The following PHF14 variants were observed in gnomAD, a reference collection of about 807,000 sequenced individuals.
PHF14 encodes the protein PHD finger protein 14.
In PHF14, 55 loss-of-function variants were observed where a neutral mutation model predicts 117.9. The observed-to-expected ratio is 0.47, with a 90% CI of 0.38 to 0.58. The LOEUF is 0.58. PHF14 is among the 20% of genes least tolerant of loss of function. PHF14 has a pLI of 0.00. For missense variants in PHF14, 978 were observed against 1,122.2 expected (o/e 0.87, Z 1.84); for synonymous variants, 409 against 368.6 (o/e 1.11, Z -1.26).
intron 4 of PHF14, among the ~76,000 whole-genome samples, chr7:10,992,364 A>G (rs969539806): frequency 4.7e-5 from 7 of 148,560 alleles, no homozygotes; most frequent in Non-Finnish European, 1.0e-4. Context: ...GACAGTATGT[A>G]TTTGTTAAGA....
intron 16 of PHF14, chr7:11,104,778 T>G (rs2128342120): frequency 1.6e-6 from 1 of 638,846 alleles, no homozygotes; most frequent in African/African-American, 2.0e-5. Context: ...CCCTGGAGTT[T>G]CTGATTTAGT....
intron 14 of PHF14, among the ~76,000 whole-genome samples, chr7:11,052,417 T>A (rs1358533295): frequency 6.6e-6 from 1 of 152,184 alleles, no homozygotes; most frequent in African/African-American, 2.4e-5. Flanking sequence ...TTTTTTCATG[T>A]TTTTCTATTC....
chr7:10,989,024 G>A (rs191885246), intron 3 of PHF14, among the ~76,000 whole-genome samples: 37 of 152,178 alleles, frequency 2.4e-4, no homozygotes, highest in African/African-American at 8.9e-4. Context: ...GTTTTCTTTA[G>A]GATGTTTTCA....
At chr7:11,123,397 A>G (rs1193509353) in intron 17 of PHF14, among the ~76,000 whole-genome samples, 4 of 152,186 alleles carry the variant, frequency 2.6e-5, no homozygotes, top group Non-Finnish European at 5.9e-5. Context: ...GCGAATGTAT[A>G]TTAATTTGAT....
chr7:11,044,898 G>A (rs924434730), intron 13 of PHF14, among the ~76,000 whole-genome samples: 17 of 152,122 alleles, frequency 1.1e-4, no homozygotes, highest in African/African-American at 4.1e-4. Context: ...TACTGGTCGA[G>A]TATCCCAAAT....
intron 16 of PHF14, chr7:11,106,916 C>A (rs949508339): frequency 1.0e-6 from 1 of 983,032 alleles, no homozygotes; most frequent in African/African-American, 1.7e-5. Flanking sequence ...GTAAAATGTT[C>A]CATTGGCATA....
At chr7:11,131,166 G>C (rs990771755) in intron 17 of PHF14, among the ~76,000 whole-genome samples, 2 of 151,902 alleles carry the variant, frequency 1.3e-5, no homozygotes, top group East Asian at 3.9e-4. Flanking sequence ...TTTTTAAGTG[G>C]GCACCAGTCA....
intron 16 of PHF14, among the ~76,000 whole-genome samples, chr7:11,101,230 T>C (rs1787075299): frequency 6.6e-6 from 1 of 151,912 alleles, no homozygotes; most frequent in Admixed American, 6.6e-5. Flanking sequence ...GATTTCCATA[T>C]CTAATGTGTC....
intron 16 of PHF14, among the ~76,000 whole-genome samples, chr7:11,093,643 AT>A (rs1303047631): frequency 6.6e-6 from 1 of 152,194 alleles, no homozygotes; most frequent in Non-Finnish European, 1.5e-5. Context: ...ACTGTCACAT[AT>A]TACTCAGTGC....
At chr7:10,980,454 A>G (rs1268572450) in intron 2 of PHF14, among the ~76,000 whole-genome samples, 3 of 152,096 alleles carry the variant, frequency 2.0e-5, no homozygotes, top group Non-Finnish European at 4.4e-5. Flanking sequence ...GATTACTATT[A>G]TTGTTATTTT....
intron 16 of PHF14, chr7:11,104,363 T>TC: frequency 1.0e-5 from 10 of 966,648 alleles, no homozygotes; most frequent in Non-Finnish European, 1.2e-5. Flanking sequence ...AAACTTGAAG[T>TC]AACTAGAATA....
intron 3 of PHF14, among the ~76,000 whole-genome samples, chr7:10,985,450 G>T (rs537488088): frequency 5.7e-4 from 86 of 151,974 alleles, no homozygotes; most frequent in Middle Eastern, 3.4e-3. Flanking sequence ...TTTCTTAGCT[G>T]CTAAGTTCAT....
At chr7:11,097,817 G>A (rs1786934792) in intron 16 of PHF14, among the ~76,000 whole-genome samples, 1 of 152,100 alleles carries the variant, frequency 6.6e-6, no homozygotes, top group Non-Finnish European at 1.5e-5. Context: ...AATCTTGTTT[G>A]TCCCTTCCTC....
In PHF14 at chr7:11,105,941, A is replaced by C. The variant is rs528249744; in HGVS notation, c.2655-5409A>C. On this transcript the variant is annotated intron_variant, in intron 16 of 17. Coordinates refer to ENST00000634607, the MANE Select transcript of PHF14 (RefSeq NM_001007157.2). ...TAGTTAATTATGAACAGGGAAATAC[A>C]AAGTTACATGGAGCTTGAGCTCAGC... 7.4e-5 allele frequency: 73 copies of C among 984,842 alleles called. No homozygotes were observed. The South Asian group carries it at 3.0e-3, about 41-fold the overall frequency. 61.0% of individuals were successfully genotyped at this position (984,842 alleles called of 1,614,324 possible).
Position 11,130,301 on chromosome 7 carries a change from A to G in PHF14, c.2772+18834A>G, listed in dbSNP as rs1185890931. Reference sequence around the variant, plus strand: ...CCAGTAAGTGTAATGCTACCACCATATGCTACCATACTTCCAAGACCTTTC... The same window carrying G: ...CCAGTAAGTGTAATGCTACCACCATGTGCTACCATACTTCCAAGACCTTTC... On this transcript the variant is annotated intron_variant, in intron 17 of 17. Transcript: ENST00000634607. The surrounding 1 kb of genome is among the most constrained non-coding windows in gnomAD (Gnocchi z 4.2). Among the ~76,000 whole-genome samples, 1 of 152,078 alleles carries G rather than the reference A, an allele frequency of 6.6e-6. No individual in the cohort carries two copies. Among genetic ancestry groups the G allele is most frequent in the Admixed American group, 6.6e-5 (1 of 15,228 alleles).
chr7:11,161,853 C>A (rs1003792874), intron 17 of PHF14, among the ~76,000 whole-genome samples: 2 of 149,878 alleles, frequency 1.3e-5, no homozygotes, highest in African/African-American at 4.9e-5. Context: ...AGGAAAGTTA[C>A]CAATGTAGGA....
chr7:11,116,284 G>A (rs188226408), intron 17 of PHF14, among the ~76,000 whole-genome samples: 318 of 152,044 alleles, frequency 2.1e-3, no homozygotes, highest in African/African-American at 7.3e-3. Context: ...GGAATCAGCT[G>A]TTTCTCCAAG....
chr7:11,090,950 G>A (rs1287487506), intron 16 of PHF14, among the ~76,000 whole-genome samples: 1 of 152,170 alleles, frequency 6.6e-6, no homozygotes, highest in African/African-American at 2.4e-5. Context: ...TAAAGACAAA[G>A]TGGGACCATA....
intron 17 of PHF14, among the ~76,000 whole-genome samples, chr7:11,165,114 G>A (rs1031585257): frequency 1.3e-5 from 2 of 152,098 alleles, no homozygotes; most frequent in African/African-American, 4.8e-5. Flanking sequence ...TAGTAGAGAC[G>A]GGGTTTCACC....
Sources: allele counts gnomAD v4.1 joint callset (sites outside exome capture counted in the v4.1 genomes callset), GRCh38; gene constraint gnomAD v4.1.1; non-coding constraint Gnocchi (gnomAD v3.1); transcripts MANE v1.5; gene names NCBI Gene and HGNC (gene_info 2026-07-23, HGNC 2026-07-21).